Variants in RPN1 observed in about 807,000 individuals in gnomAD.
RPN1 encodes the protein ribophorin I.
A neutral mutation model predicts 55.5 loss-of-function variants in RPN1; 12 were observed. The observed-to-expected ratio is 0.22, with a 90% CI of 0.14 to 0.35. The LOEUF is 0.35. Among genes scored for constraint, RPN1 ranks in the 10% least tolerant of loss-of-function variants. RPN1 has a pLI of 1.00. For missense variants in RPN1, 679 were observed against 761.3 expected (o/e 0.89, Z 1.27); for synonymous variants, 317 against 305.9 (o/e 1.04, Z -0.38).
Position 128,650,556 on chromosome 3 carries a change from G to C in RPN1, c.245C>G (p.Ala82Gly), listed in dbSNP as rs1576801800. 6.5e-7 allele frequency: 1 copy of C among 1,542,602 alleles called. No individual in the cohort carries two copies. Among genetic ancestry groups the C allele is most frequent in the East Asian group, 2.4e-5 (1 of 40,842 alleles). The change falls in exon 1 of 10, where the codon GCG becomes GGG. Residue 82 changes from alanine to glycine, a missense_variant. By Grantham distance (60) the Ala-to-Gly change is moderately conservative (BLOSUM62 0). Around this residue, in one of 3 missense-constraint regions of RPN1, gnomAD observed 352 missense variants for 352.8 expected, o/e 1.00. Coordinates refer to ENST00000296255, the MANE Select transcript of RPN1 (RefSeq NM_002950.4). ...ALEPELEARL[A>G]HLGVQVKGED... Reference sequence around the variant, plus strand: ...CACACTCACCTGCACGCCCAGGTGCGCCAGCCGGGCCTCGAGCTCAGGCTC... The same window carrying C: ...CACACTCACCTGCACGCCCAGGTGCCCCAGCCGGGCCTCGAGCTCAGGCTC...
intron 1 of RPN1, 26 bp downstream of exon 1, chr3:128,650,514 G>A (rs1437815951): frequency 2.0e-6 from 3 of 1,515,560 alleles, no homozygotes; most frequent in African/African-American, 2.8e-5. Context: ...TCCCGGGAGC[G>A]GCGGCGAGGG....
Position 128,625,653 on chromosome 3 carries a change from C to T in RPN1, c.1276G>A (p.Val426Ile), listed in dbSNP as rs1161665586. Residue 426 changes from valine (V) to isoleucine (I), a missense_variant and splice_region_variant, in exon 8 of 10, where the codon GTC becomes ATC. Transcript: ENST00000296255. ...LVEQHIQDIVVHYTFNKVLML... is the reference protein window; with the variant it reads ...LVEQHIQDIVIHYTFNKVLML... ...AGCACCTTGTTGAACGTGTAGTGGA[C>T]CTGGGAGAAGCAAGAGGACAGGCTT... is the stretch of plus-strand genomic sequence containing the variant. The T allele has an allele frequency of 6.2e-7, 1 of 1,613,990 alleles. No homozygotes were observed. The highest frequency in any genetic ancestry group is 1.1e-5 in the South Asian group (1 of 91,074).
chr3:128,638,143 G>C, intron 2 of RPN1, 38 bp from the exon 3 acceptor site: 1 of 1,508,304 alleles, frequency 6.6e-7, no homozygotes, highest in Non-Finnish European at 9.2e-7. Context: ...AAGAGAGACT[G>C]AGGATACTGA....
intron 5 of RPN1, among the ~76,000 whole-genome samples, chr3:128,629,169 G>C (rs951922606): frequency 3.3e-5 from 5 of 152,164 alleles, no homozygotes; most frequent in East Asian, 3.9e-4. Flanking sequence ...TTGACAGGAG[G>C]GGGTGGGGAG....
At chr3:128,649,369 G>A (rs2069796467) in intron 1 of RPN1, among the ~76,000 whole-genome samples, 1 of 152,162 alleles carries the variant, frequency 6.6e-6, no homozygotes, top group Non-Finnish European at 1.5e-5. Flanking sequence ...TAAAGAACGG[G>A]ATTTAACATT....
Position 128,629,522 on chromosome 3 carries a change from T to C in RPN1, c.1036+429A>G, listed in dbSNP as rs538989249. Among the ~76,000 whole-genome samples, 26 of 152,114 alleles carry C rather than the reference T, an allele frequency of 1.7e-4. No individual in the cohort carries two copies. The East Asian group carries it at 4.8e-3, about 28-fold the overall frequency. On this transcript the variant is annotated intron_variant, in intron 5 of 9. Transcript: ENST00000296255. The stretch of plus-strand genomic sequence containing the variant: ...GTTGCAGTGAGCCAAAATCGCACCA[T>C]TCCACTCCAGCCTGGGTGGCAAGAG...
At position 128,622,374 on chromosome 3, in the gene RPN1, G is replaced by A. The variant is rs752451653; in HGVS notation, c.1431C>T (p.Cys477=). The change falls in exon 9 of 10, where the codon TGC becomes TGT. Residue 477 remains cysteine, a synonymous_variant. Coordinates refer to ENST00000296255, the MANE Select transcript of RPN1 (RefSeq NM_002950.4). The part of the protein sequence containing the change: ...PAAEARMKVA[C]ITEQVLTLVN... ...CCAGGGTCAAGACCTGCTCTGTGAT[G>A]CAGGCTACCTTCATCCTGGCTTCTG... 7 of 1,614,104 alleles carry A rather than the reference G, an allele frequency of 4.3e-6. No homozygotes were observed. Among genetic ancestry groups the A allele is most frequent in the Non-Finnish European group, 5.9e-6 (7 of 1,180,044 alleles).
At chr3:128,634,783 G>C (rs916922030) in intron 3 of RPN1, among the ~76,000 whole-genome samples, 1 of 151,832 alleles carries the variant, frequency 6.6e-6, no homozygotes, top group Non-Finnish European at 1.5e-5. Flanking sequence ...GGCTGGTCTC[G>C]AACTCCTGAC....
intron 8 of RPN1, 48 bp from the exon 9 acceptor site, chr3:128,622,457 C>T (rs766524237): frequency 1.9e-6 from 3 of 1,604,916 alleles, no homozygotes; most frequent in Non-Finnish European, 2.6e-6. Context: ...GGCTTGGGTC[C>T]ACTCTGACCT....
intron 9 of RPN1, among the ~76,000 whole-genome samples, chr3:128,621,908 ACT>A (rs1044594421): frequency 6.6e-6 from 1 of 152,160 alleles, no homozygotes; most frequent in African/African-American, 2.4e-5. Flanking sequence ...GGATGCAGCT[ACT>A]CTCAATACTG....
chr3:128,647,077 G>A (rs1024045948), intron 1 of RPN1, among the ~76,000 whole-genome samples: 1 of 152,022 alleles, frequency 6.6e-6, no homozygotes, highest in Non-Finnish European at 1.5e-5. Context: ...ACCAGGAAAA[G>A]GATGTTCACT....
intron 1 of RPN1, among the ~76,000 whole-genome samples, chr3:128,646,779 G>T (rs563242716): frequency 5.9e-5 from 9 of 151,658 alleles, no homozygotes; most frequent in African/African-American, 1.9e-4. Flanking sequence ...TTTGAGAGCA[G>T]CTGGCCAACA....
chr3:128,641,797 G>C (rs1005289873), intron 2 of RPN1, among the ~76,000 whole-genome samples: 1 of 151,824 alleles, frequency 6.6e-6, no homozygotes, highest in Admixed American at 6.6e-5. Flanking sequence ...TTTTAGTAGA[G>C]ATGGGGTTTC....
At chr3:128,644,659 A>G (rs564719249) in intron 2 of RPN1, 20 of 597,756 alleles carry the variant, frequency 3.3e-5, no homozygotes, top group African/African-American at 2.9e-4. Flanking sequence ...GTCTCAAGAA[A>G]AAAAAAAAAA....
At chr3:128,644,702 T>C in intron 2 of RPN1, 4 of 653,094 alleles carry the variant, frequency 6.1e-6, no homozygotes, top group Middle Eastern at 3.1e-4. Context: ...TTCACACCTG[T>C]AATCCCAGCA....
chr3:128,635,690 T>TACACACACACACACACAC (rs71153135), intron 3 of RPN1, among the ~76,000 whole-genome samples: 1 of 138,274 alleles, frequency 7.2e-6, no homozygotes, highest in African/African-American at 2.7e-5. Context: ...TCTATAGATA[T>TACACACACACACACACAC]ACACACACAC....
intron 2 of RPN1, among the ~76,000 whole-genome samples, chr3:128,638,891 G>A (rs1214243838): frequency 6.6e-5 from 10 of 152,016 alleles, no homozygotes; most frequent in East Asian, 1.9e-4. Flanking sequence ...ACTTGAACCC[G>A]GGAGGCGGAG....
intron 3 of RPN1, among the ~76,000 whole-genome samples, chr3:128,633,973 ACTGT>A (rs1343916783): frequency 6.6e-6 from 1 of 151,230 alleles, no homozygotes; most frequent in Non-Finnish European, 1.5e-5. Flanking sequence ...ACAGAGCGAG[ACTGT>A]CTCTCAAAAA....
chr3:128,631,481 G>GA (rs200313122), intron 4 of RPN1, among the ~76,000 whole-genome samples: 218 of 123,640 alleles, frequency 1.8e-3, no homozygotes, highest in Middle Eastern at 4.3e-3. Context: ...TCCGTCTCAA[G>GA]AAAAAAAAAA....
Sources: gnomAD v4.1 joint callset for allele counts (sites outside exome capture counted in the v4.1 genomes callset) on GRCh38, gnomAD v4.1.1 for gene constraint, gnomAD v4.1.1 regional missense constraint, MANE v1.5 for transcripts, NCBI Gene and HGNC (gene_info 2026-07-23, HGNC 2026-07-21) for gene names.